Variants in GABRB1 observed in about 807,000 individuals in gnomAD.
GABRB1 encodes gamma-aminobutyric acid type A receptor subunit beta1, also known as gamma-aminobutyric acid receptor subunit beta-1.
GABRB1 carries 17 observed loss-of-function variants against 51.6 expected under a neutral mutation model. The ratio of observed to expected loss-of-function variants is 0.33; its 90% CI spans 0.23 to 0.49. GABRB1 has a LOEUF of 0.49. Among genes scored for constraint, GABRB1 ranks in the 20% least tolerant of loss-of-function variants. The pLI is 0.99. For missense variants in GABRB1, 410 were observed against 600.6 expected (o/e 0.68, Z 3.32); for synonymous variants, 247 against 218.9 (o/e 1.13, Z -1.14).
Position 47,425,690 on chromosome 4 carries a change from A to G in GABRB1, c.1097A>G (p.Asn366Ser). Reference protein sequence around the residue: ...MNKVQVDAHGNILLSTLEIRN... With the variant: ...MNKVQVDAHGSILLSTLEIRN... ...TGCCATCAGGTCGACGCCCACGGTA[A>G]CATTCTCCTCAGCACCCTGGAAATC... The change falls in exon 9 of 9, where the codon AAC becomes AGC. Residue 366 changes from asparagine to serine, a missense_variant. Transcript: ENST00000295454. The G allele has an allele frequency of 2.5e-6, 4 of 1,604,034 alleles. No individual in the cohort carries two copies. The highest frequency in any genetic ancestry group is 2.6e-6 in the Non-Finnish European group (3 of 1,174,256).
chr4:47,085,520 G>A lies in GABRB1; in HGVS notation c.240+53036G>A, dbSNP rs544625197. On this transcript the variant is annotated intron_variant, in intron 3 of 8. Coordinates refer to ENST00000295454, the MANE Select transcript of GABRB1 (RefSeq NM_000812.4). ...TACTTTCCATATTGGCATTTGACAC[G>A]GATTGAAACAGTATACGGAACTAGT... 8.6e-5 allele frequency among the ~76,000 whole-genome samples: 13 copies of A among 152,020 alleles called. No individual in the cohort carries two copies. The South Asian group carries it at 1.2e-3, about 15-fold the overall frequency.
chr4:47,370,567 A>G (rs1727153446), intron 5 of GABRB1, among the ~76,000 whole-genome samples: 1 of 152,202 alleles, frequency 6.6e-6, no homozygotes, highest in Non-Finnish European at 1.5e-5. Flanking sequence ...ATTAAGTTTA[A>G]ATTAGCTGAA....
chr4:47,207,552 C>G (rs1389663958), intron 4 of GABRB1, among the ~76,000 whole-genome samples: 1 of 152,042 alleles, frequency 6.6e-6, no homozygotes, highest in Non-Finnish European at 1.5e-5. Context: ...ATGCAACTAA[C>G]TAGATATTGA....
chr4:47,102,429 T>C (rs1445127527), intron 3 of GABRB1, among the ~76,000 whole-genome samples: 2 of 151,864 alleles, frequency 1.3e-5, no homozygotes, highest in Admixed American at 6.6e-5. Flanking sequence ...AACAAGTAAA[T>C]AGGCAAATAG....
intron 5 of GABRB1, among the ~76,000 whole-genome samples, chr4:47,329,733 C>T (rs1725398551): frequency 6.7e-6 from 1 of 148,234 alleles, no homozygotes; most frequent in African/African-American, 2.5e-5. Flanking sequence ...GCTATCAATA[C>T]CACTACATAT....
rs980991203 is a variant in GABRB1, at chr4:47,324,929, A to G, written c.544+4720A>G. 3.9e-5 allele frequency among the ~76,000 whole-genome samples: 6 copies of G among 152,164 alleles called. No homozygotes were observed. In the East Asian group the frequency reaches 7.7e-4, roughly 19 times the overall value. ...ATCCGTTCTATTGCAAGTATCATCT[A>G]TTCTACTTGCAAAATATTTATCAGG... On this transcript the variant is annotated intron_variant, in intron 5 of 8. Coordinates refer to ENST00000295454, the MANE Select transcript of GABRB1 (RefSeq NM_000812.4).
chr4:47,406,596 G>A, intron 7 of GABRB1, 86 bp from the exon 8 acceptor site: 1 of 1,534,430 alleles, frequency 6.5e-7, no homozygotes, highest in East Asian at 2.2e-5. Context: ...CAATAAGGAA[G>A]TGGCAAATGG....
Position 47,161,470 on chromosome 4 carries a change from G to A in GABRB1, c.461+1G>A. The A allele has an allele frequency of 1.2e-6, 2 of 1,608,208 alleles. No individual in the cohort carries two copies. Among genetic ancestry groups the A allele is most frequent in the Non-Finnish European group, 1.7e-6 (2 of 1,175,496 alleles). Reference sequence around the variant, plus strand: ...ATGGAACAGTTCTCTATGGACTCCGGTAAATGGCTTTATGTTGCATGTTTT... The same window carrying A: ...ATGGAACAGTTCTCTATGGACTCCGATAAATGGCTTTATGTTGCATGTTTT... On this transcript the variant is annotated splice_donor_variant, in intron 4 of 8. Transcript: ENST00000295454. LOFTEE classifies it high-confidence loss of function.
intron 3 of GABRB1, among the ~76,000 whole-genome samples, chr4:47,160,510 T>C (rs931993901): frequency 6.6e-6 from 1 of 152,148 alleles, no homozygotes; most frequent in African/African-American, 2.4e-5. Flanking sequence ...AAAAACACCC[T>C]TTCCTTTTCA....
At chr4:47,290,576 A>G (rs1723687848) in intron 4 of GABRB1, among the ~76,000 whole-genome samples, 1 of 152,182 alleles carries the variant, frequency 6.6e-6, no homozygotes, top group African/African-American at 2.4e-5. Flanking sequence ...AATGTGGGAA[A>G]GTTTGGAATT....
At chr4:47,137,725 G>T (rs975647014) in intron 3 of GABRB1, among the ~76,000 whole-genome samples, 1 of 152,002 alleles carries the variant, frequency 6.6e-6, no homozygotes, top group Non-Finnish European at 1.5e-5. Flanking sequence ...TTAATGACAA[G>T]AATTTAAGAT....
intron 4 of GABRB1, among the ~76,000 whole-genome samples, chr4:47,287,574 T>A (rs1380917160): frequency 6.6e-6 from 1 of 152,230 alleles, no homozygotes; most frequent in Non-Finnish European, 1.5e-5. Context: ...GTACTTTGTG[T>A]TAGACAGCAT....
At chr4:47,079,511 G>A (rs370970791) in intron 3 of GABRB1, among the ~76,000 whole-genome samples, 1 of 151,842 alleles carries the variant, frequency 6.6e-6, no homozygotes, top group Admixed American at 6.6e-5. Context: ...TATACCCAAA[G>A]GATTATAAAA....
intron 5 of GABRB1, among the ~76,000 whole-genome samples, chr4:47,392,280 A>T (rs779972189): frequency 6.6e-6 from 1 of 151,474 alleles, no homozygotes; most frequent in Non-Finnish European, 1.5e-5. Flanking sequence ...GTCGCCAGAA[A>T]CTGAGGCACT....
intron 4 of GABRB1, among the ~76,000 whole-genome samples, chr4:47,176,162 T>C (rs1478531764): frequency 6.6e-6 from 1 of 152,108 alleles, no homozygotes; most frequent in Admixed American, 6.6e-5. Context: ...GGGTATATTA[T>C]ACCCATTACT....
intron 4 of GABRB1, among the ~76,000 whole-genome samples, chr4:47,224,782 C>A (rs547437369): frequency 6.6e-6 from 1 of 152,284 alleles, no homozygotes; most frequent in Non-Finnish European, 1.5e-5. Flanking sequence ...TGTCCCCTTC[C>A]TTTTCTTTGA....
intron 5 of GABRB1, among the ~76,000 whole-genome samples, chr4:47,352,605 G>A (rs1366529452): frequency 2.0e-5 from 3 of 152,174 alleles, no homozygotes; most frequent in African/African-American, 7.2e-5. Flanking sequence ...TGCAAGGCTG[G>A]TTCAATATAC....
At chr4:47,286,897 C>T (rs900238170) in intron 4 of GABRB1, among the ~76,000 whole-genome samples, 6 of 152,216 alleles carry the variant, frequency 3.9e-5, no homozygotes, top group Non-Finnish European at 7.3e-5. Context: ...TGCCCCCAAA[C>T]ATGGCCACCC....
At chr4:47,034,138 T>C (rs1207134849) in intron 3 of GABRB1, among the ~76,000 whole-genome samples, 1 of 152,164 alleles carries the variant, frequency 6.6e-6, no homozygotes, top group East Asian at 1.9e-4. Context: ...ATTGATAAAA[T>C]AGAAGATTTA....
Sources: gnomAD v4.1 joint callset for allele counts (sites outside exome capture counted in the v4.1 genomes callset) on GRCh38, gnomAD v4.1.1 for gene constraint, MANE v1.5 for transcripts, NCBI Gene and HGNC (gene_info 2026-07-23, HGNC 2026-07-21) for gene names.